ATG10: variants seen among roughly 807,000 people sequenced by gnomAD.
The protein encoded by ATG10 is ubiquitin-like-conjugating enzyme ATG10.
Under a neutral mutation model 32.1 loss-of-function variants are expected in ATG10, and 30 were observed. The observed-to-expected ratio is 0.94, with a 90% CI of 0.70 to 1.27. ATG10 has a LOEUF of 1.27. ATG10 is among the 50% of genes most tolerant of loss of function. The pLI, the probability that ATG10 is intolerant of heterozygous loss-of-function variation, is 0.00. For missense variants in ATG10, 233 were observed against 262.3 expected (o/e 0.89, Z 0.77); for synonymous variants, 87 against 91.5 (o/e 0.95, Z 0.28).
intron 3 of ATG10, among the ~76,000 whole-genome samples, chr5:82,059,385 CAT>C (rs1005794477): frequency 8.3e-4 from 20 of 24,004 alleles, no homozygotes; most frequent in African/African-American, 2.7e-3. Flanking sequence ...ATATTTCTAT[CAT>C]ATACACACAC....
rs181061011 is a variant in ATG10, at chr5:82,138,159, G to A, written c.217-26240G>A. Among the ~76,000 whole-genome samples, 93 of 152,318 alleles carry A rather than the reference G, an allele frequency of 6.1e-4. No homozygotes were observed. In the East Asian group the frequency reaches 0.015, roughly 25 times the overall value. ...CAAGCCAGTGGATCTTAGCTTGCTG[G>A]GCTCCCCAGGGGTGGGATCTGCAGA... On this transcript the variant is annotated intron_variant, in intron 3 of 7. Coordinates refer to ENST00000282185, the MANE Select transcript of ATG10 (RefSeq NM_031482.5).
chr5:82,234,473 A>G (rs1200893392), intron 5 of ATG10, among the ~76,000 whole-genome samples: 1 of 152,150 alleles, frequency 6.6e-6, no homozygotes, highest in African/African-American at 2.4e-5. Flanking sequence ...CCCATTGCCC[A>G]TGTGTGCATC....
At chr5:82,121,959 T>A (rs529235900) in intron 3 of ATG10, among the ~76,000 whole-genome samples, 1,680 of 151,356 alleles carry the variant, frequency 0.011, 25 homozygotes, top group African/African-American at 0.038. Flanking sequence ...TTTTTTTTTT[T>A]TATGTCTTTG....
intron 5 of ATG10, among the ~76,000 whole-genome samples, chr5:82,206,334 A>G (rs1293963839): frequency 6.6e-6 from 1 of 152,136 alleles, no homozygotes; most frequent in East Asian, 1.9e-4. Flanking sequence ...GATGGCATGT[A>G]TATCAAAGGA....
At chr5:81,974,085 CAAG>C (rs1330508686) in intron 1 of ATG10, among the ~76,000 whole-genome samples, 1 of 151,908 alleles carries the variant, frequency 6.6e-6, no homozygotes, top group African/African-American at 2.4e-5. Flanking sequence ...TTAGGAAAAA[CAAG>C]GAGAGTAAAG....
At chr5:82,009,637 T>C (rs887324826) in intron 2 of ATG10, 8 of 1,593,224 alleles carry the variant, frequency 5.0e-6, no homozygotes, top group Admixed American at 3.3e-5. Flanking sequence ...ATCTTCTTGC[T>C]GGTCTTGCCA....
At chr5:81,987,758 C>A in intron 2 of ATG10, 80 bp downstream of exon 2, 1 of 1,021,446 alleles carries the variant, frequency 9.8e-7, no homozygotes, top group Non-Finnish European at 1.5e-6. Context: ...ACAGGTAAAA[C>A]CTCCATAATT....
At chr5:82,200,994 C>A (rs748444474) in intron 5 of ATG10, among the ~76,000 whole-genome samples, 1 of 151,852 alleles carries the variant, frequency 6.6e-6, no homozygotes, top group African/African-American at 2.4e-5. Flanking sequence ...AAGCAATTCT[C>A]CTGCCTCAGC....
intron 3 of ATG10, among the ~76,000 whole-genome samples, chr5:82,131,473 A>C (rs571846980): frequency 6.4e-4 from 98 of 152,234 alleles, no homozygotes; most frequent in African/African-American, 2.2e-3. Flanking sequence ...TTCTCTTTTC[A>C]CATGTGTAAC....
At chr5:81,976,394 A>C (rs1465659503) in intron 1 of ATG10, 2 of 151,986 alleles carry the variant, frequency 1.3e-5, no homozygotes, top group East Asian at 1.9e-4. Context: ...ATTGCCCAGC[A>C]AAAACAGCTT....
At chr5:82,216,935 G>A (rs1358177000) in intron 5 of ATG10, among the ~76,000 whole-genome samples, 1 of 151,888 alleles carries the variant, frequency 6.6e-6, no homozygotes, top group Non-Finnish European at 1.5e-5. Flanking sequence ...CGTGCCTGTA[G>A]TCCCAGCTAC....
At chr5:82,158,967 A>G (rs1202469488) in intron 3 of ATG10, among the ~76,000 whole-genome samples, 1 of 152,132 alleles carries the variant, frequency 6.6e-6, no homozygotes, top group African/African-American at 2.4e-5. Flanking sequence ...CCCTATATAT[A>G]CTATGTTTTT....
intron 2 of ATG10, among the ~76,000 whole-genome samples, chr5:81,995,510 C>T (rs1475753292): frequency 3.9e-5 from 6 of 152,174 alleles, no homozygotes; most frequent in South Asian, 2.1e-4. Flanking sequence ...ATATATCAAT[C>T]GAGGCAAAAG....
chr5:82,233,004 A>T (rs945224769), intron 5 of ATG10, among the ~76,000 whole-genome samples: 2 of 152,122 alleles, frequency 1.3e-5, no homozygotes, highest in East Asian at 1.9e-4. Context: ...CTTTACTCTT[A>T]TATCTTTCTG....
At chr5:82,062,571 C>T (rs571568104) in intron 3 of ATG10, among the ~76,000 whole-genome samples, 28 of 152,242 alleles carry the variant, frequency 1.8e-4, no homozygotes, top group African/African-American at 6.3e-4. Context: ...TAATGTCACA[C>T]TTATAATTAT....
chr5:81,985,887 C>A (rs966132964), intron 1 of ATG10, among the ~76,000 whole-genome samples: 1 of 152,146 alleles, frequency 6.6e-6, no homozygotes, highest in South Asian at 2.1e-4. Context: ...CTCAGCCTCT[C>A]GAGTAGCTGG....
intron 3 of ATG10, among the ~76,000 whole-genome samples, chr5:82,100,040 G>T (rs761862567): frequency 9.3e-6 from 1 of 107,484 alleles, no homozygotes; most frequent in African/African-American, 3.7e-5. Context: ...CTGGAGTCTC[G>T]CTCTGTTGCC....
At chr5:82,224,640 G>C (rs1746049637) in intron 5 of ATG10, among the ~76,000 whole-genome samples, 1 of 152,144 alleles carries the variant, frequency 6.6e-6, no homozygotes, top group African/African-American at 2.4e-5. Context: ...AAAGCCCACT[G>C]TGGAAGTGAT....
intron 4 of ATG10, among the ~76,000 whole-genome samples, chr5:82,173,790 A>T (rs2149915139): frequency 6.6e-6 from 1 of 152,318 alleles, no homozygotes; most frequent in South Asian, 2.1e-4. Flanking sequence ...CTGAGGCCAG[A>T]TGTAAAAAAA....
Sources: gnomAD v4.1 joint callset for allele counts (sites outside exome capture counted in the v4.1 genomes callset) on GRCh38, gnomAD v4.1.1 for gene constraint, MANE v1.5 for transcripts, NCBI Gene and HGNC (gene_info 2026-07-23, HGNC 2026-07-21) for gene names.